The following IL1RAPL2 variants were observed in gnomAD, a reference collection of about 807,000 sequenced individuals.
IL1RAPL2 encodes the protein interleukin 1 receptor accessory protein like 2.
IL1RAPL2 carries 3 observed loss-of-function variants against 44.1 expected under a neutral mutation model. The observed-to-expected ratio is 0.07, with a 90% CI of 0.03 to 0.18. The LOEUF (loss-of-function observed/expected upper bound fraction) is 0.18, where lower values mean the gene tolerates loss of function less well. Among genes scored for constraint, IL1RAPL2 ranks in the 10% least tolerant of loss-of-function variants. IL1RAPL2 has a pLI of 1.00. For missense variants in IL1RAPL2, 391 were observed against 496.4 expected, an observed-to-expected ratio of 0.79 and a Z score of 2.02; for synonymous variants, 181 against 178.8, an observed-to-expected ratio of 1.01 and a Z score of -0.10.
rs372096203 is a variant in IL1RAPL2, at chrX:105,159,994, A to C, written c.83-35481A>C. Among the ~76,000 whole-genome samples, 161 of 59,242 alleles carry C rather than the reference A, an allele frequency of 2.7e-3. 1 individual carries two copies. Among genetic ancestry groups the C allele is most frequent in the African/African-American group, 9.1e-3 (133 of 14,631 alleles). 51.4% of individuals were successfully genotyped at this position (59,242 alleles called of 115,157 possible). A position where few individuals can be genotyped will look rare whatever the true frequency, so the allele number is the denominator to read the frequency against. On this transcript the variant is annotated intron_variant, in intron 2 of 10. Transcript: ENST00000372582. ...GCTGACTTAAAGAACCCCCCCCCCC[A>C]CTCCACCCCATTTTTTTGTGGTTGT...
chrX:104,950,108 A>G (rs908960675), intron 2 of IL1RAPL2, among the ~76,000 whole-genome samples: 2 of 111,396 alleles, frequency 1.8e-5, no homozygotes, highest in Admixed American at 9.5e-5. Context: ...GTGCTCCTGT[A>G]TTGGGTGCGT....
chrX:104,716,417 A>G (rs1931567848), intron 2 of IL1RAPL2, among the ~76,000 whole-genome samples: 1 of 111,783 alleles, frequency 8.9e-6, no homozygotes, highest in South Asian at 3.7e-4. Flanking sequence ...ACAAAAGCAA[A>G]AATTGACAAA....
chrX:105,753,678 G>A (rs758803762), intron 9 of IL1RAPL2, among the ~76,000 whole-genome samples: 128 of 111,793 alleles, frequency 1.1e-3, no homozygotes, highest in Non-Finnish European at 2.1e-3. Flanking sequence ...ACTTGTAAGC[G>A]AAATGATCTC....
At chrX:104,723,700 C>G (rs1235041757) in intron 2 of IL1RAPL2, among the ~76,000 whole-genome samples, 1 of 110,504 alleles carries the variant, frequency 9.0e-6, no homozygotes, top group African/African-American at 3.3e-5. Context: ...AAAAAAAAAT[C>G]TCCTACAGAG....
intron 2 of IL1RAPL2, among the ~76,000 whole-genome samples, chrX:104,887,225 C>T (rs1290155768): frequency 1.8e-5 from 2 of 112,454 alleles, no homozygotes; most frequent in Non-Finnish European, 3.8e-5. Context: ...GGCAAATACT[C>T]ATCTAGTAGA....
intron 6 of IL1RAPL2, among the ~76,000 whole-genome samples, chrX:105,487,455 C>A (rs928243063): frequency 1.8e-4 from 20 of 112,038 alleles, no homozygotes; most frequent in Middle Eastern, 4.7e-3. Context: ...TAAGGCTGAA[C>A]TTTTCGGGTT....
At chrX:105,523,242 G>A (rs944262228) in intron 6 of IL1RAPL2, among the ~76,000 whole-genome samples, 3 of 111,393 alleles carry the variant, frequency 2.7e-5, no homozygotes, top group Non-Finnish European at 5.7e-5. Flanking sequence ...GATTAGCATG[G>A]TAGTTAGCAT....
intron 2 of IL1RAPL2, among the ~76,000 whole-genome samples, chrX:104,888,664 A>C (rs1289452222): frequency 1.8e-5 from 2 of 111,030 alleles, no homozygotes; most frequent in Non-Finnish European, 3.8e-5. Flanking sequence ...TTCCCTGGCA[A>C]ATGACTGTTG....
At chrX:105,324,959 A>G (rs1325015870) in intron 5 of IL1RAPL2, among the ~76,000 whole-genome samples, 1 of 112,215 alleles carries the variant, frequency 8.9e-6, no homozygotes, top group Admixed American at 9.5e-5. Context: ...TAAGTAAATT[A>G]TGGGAAAATG....
intron 2 of IL1RAPL2, among the ~76,000 whole-genome samples, chrX:105,184,827 A>G (rs2033570671): frequency 8.9e-6 from 1 of 111,829 alleles, no homozygotes; most frequent in Admixed American, 9.5e-5. Context: ...AAATATAAGT[A>G]ATTTAGTTTG....
intron 2 of IL1RAPL2, among the ~76,000 whole-genome samples, chrX:104,702,643 A>G (rs1341811583): frequency 9.0e-6 from 1 of 111,476 alleles, no homozygotes; most frequent in Non-Finnish European, 1.9e-5. Flanking sequence ...AAGTTGCCAT[A>G]ATGCTTTGTA....
chrX:104,647,794 G>A, intron 1 of IL1RAPL2: 2 of 537,307 alleles, frequency 3.7e-6, no homozygotes, highest in Non-Finnish European at 6.8e-6. Context: ...GTCGAGAATG[G>A]CAGTCAAAGA....
intron 2 of IL1RAPL2, among the ~76,000 whole-genome samples, chrX:104,884,115 G>A (rs891390092): frequency 5.5e-5 from 6 of 109,150 alleles, no homozygotes; most frequent in Admixed American, 4.9e-4. Flanking sequence ...ACAGGCAAGG[G>A]TGCAGGTTTT....
chrX:105,265,547 A>G (rs2147655045), intron 4 of IL1RAPL2, among the ~76,000 whole-genome samples: 1 of 111,390 alleles, frequency 9.0e-6, no homozygotes, highest in Non-Finnish European at 1.9e-5. Context: ...GTTCTTCAGG[A>G]AGACCCTAGG....
intron 1 of IL1RAPL2, among the ~76,000 whole-genome samples, chrX:104,606,106 A>C (rs1929004238): frequency 1.8e-5 from 2 of 112,331 alleles, no homozygotes; most frequent in African/African-American, 6.5e-5. Flanking sequence ...GCAGCACATC[A>C]AAAAGCTTAT....
intron 6 of IL1RAPL2, among the ~76,000 whole-genome samples, chrX:105,546,166 G>A (rs2036796534): frequency 4.5e-5 from 5 of 111,315 alleles, no homozygotes; most frequent in Admixed American, 3.9e-4. Context: ...GGTTGGGGGC[G>A]CAGTGGGAAA....
intron 2 of IL1RAPL2, among the ~76,000 whole-genome samples, chrX:104,931,601 G>C (rs1286545790): frequency 2.7e-5 from 3 of 111,321 alleles, no homozygotes; most frequent in African/African-American, 9.8e-5. Context: ...TTATTTGTGA[G>C]AAGGCCAATG....
intron 5 of IL1RAPL2, among the ~76,000 whole-genome samples, chrX:105,449,571 G>T (rs1418923110): frequency 9.8e-6 from 1 of 102,233 alleles, no homozygotes; most frequent in Non-Finnish European, 2.0e-5. Context: ...GCAACAGAGA[G>T]AGACTCCGTC....
At chrX:104,959,123 T>C (rs1038457398) in intron 2 of IL1RAPL2, among the ~76,000 whole-genome samples, 8 of 107,887 alleles carry the variant, frequency 7.4e-5, no homozygotes, top group Non-Finnish European at 1.4e-4. Context: ...AAGAATCATC[T>C]TTTTTTTTTC....
Sources: allele counts gnomAD v4.1 joint callset (sites outside exome capture counted in the v4.1 genomes callset), GRCh38; gene constraint gnomAD v4.1.1; transcripts MANE v1.5; gene names NCBI Gene and HGNC (gene_info 2026-07-23, HGNC 2026-07-21).